The following PDE4D variants were observed in gnomAD, a reference collection of about 807,000 sequenced individuals.
PDE4D encodes phosphodiesterase 4D, also known as 3',5'-cyclic-AMP phosphodiesterase 4D.
In PDE4D, 24 loss-of-function variants were observed where a neutral mutation model predicts 87.4. The ratio of observed to expected loss-of-function variants is 0.27; its 90% CI spans 0.20 to 0.39. The LOEUF (loss-of-function observed/expected upper bound fraction) is 0.39. Among genes scored for constraint, PDE4D ranks in the 10% least tolerant of loss-of-function variants. The pLI is 1.00. For synonymous variants in PDE4D, 384 were observed against 383.2 expected (o/e 1.00, Z -0.02); for missense variants, 714 against 1,041.0 (o/e 0.69, Z 4.32).
chr5:59,495,529 G>A (rs1454679977), intron 1 of PDE4D, among the ~76,000 whole-genome samples: 1 of 152,166 alleles, frequency 6.6e-6, no homozygotes, highest in African/African-American at 2.4e-5. Context: ...CTCCCCAACA[G>A]AGAAACGCCA....
At chr5:60,363,555 T>C (rs1206164128) in intron 1 of PDE4D, among the ~76,000 whole-genome samples, 1 of 152,152 alleles carries the variant, frequency 6.6e-6, no homozygotes, top group African/African-American at 2.4e-5. Context: ...GAGAAGGTAC[T>C]GCTTTCACAA....
intron 2 of PDE4D, chr5:60,127,458 C>G: frequency 2.4e-6 from 1 of 413,862 alleles, no homozygotes. Flanking sequence ...GCAGCTATCA[C>G]TGTGGTTCAG....
At chr5:59,741,643 G>A (rs757988501) in intron 1 of PDE4D, among the ~76,000 whole-genome samples, 9 of 152,178 alleles carry the variant, frequency 5.9e-5, no homozygotes, top group East Asian at 1.9e-4. Flanking sequence ...CTTTTCATTA[G>A]TAACATGAAA....
intron 1 of PDE4D, among the ~76,000 whole-genome samples, chr5:59,635,675 G>A (rs193023415): frequency 1.4e-3 from 218 of 152,248 alleles, no homozygotes; most frequent in Admixed American, 2.7e-3. Context: ...AAAGGCCTTC[G>A]ATAAAATTCA....
At chr5:60,284,336 C>A (rs1752215334) in intron 1 of PDE4D, among the ~76,000 whole-genome samples, 1 of 152,080 alleles carries the variant, frequency 6.6e-6, no homozygotes, top group Admixed American at 6.5e-5. Context: ...ATAGAGTTAT[C>A]TTCTGGGTAA....
In PDE4D at chr5:58,973,438, A is replaced by AATGAGCATGAAATGTGTGGATTAT. The variant is rs780488224; in HGVS notation, c.*1202_*1225dup. 2,252 of 152,506 alleles carry AATGAGCATGAAATGTGTGGATTAT rather than the reference A, an allele frequency of 0.015. 37 individuals are homozygous for AATGAGCATGAAATGTGTGGATTAT. The highest frequency in any genetic ancestry group is 0.025 in the Non-Finnish European group (1,720 of 67,998). 9.4% of individuals were successfully genotyped at this position (152,506 alleles called of 1,614,324 possible). A position where few individuals can be genotyped will look rare whatever the true frequency, so the allele number is the denominator to read the frequency against. On this transcript the variant is annotated 3_prime_UTR_variant, in exon 15 of 15. Coordinates refer to ENST00000340635, the MANE Select transcript of PDE4D (RefSeq NM_001104631.2). ...TATAACTGGCTGTAAAAACAATAAA[A>AATGAGCATGAAATGTGTGGATTAT]ATGAGCATGAAATGTGTGGATTATT... is the stretch of plus-strand genomic sequence containing the variant.
At chr5:60,070,974 T>C (rs577588255) in intron 2 of PDE4D, among the ~76,000 whole-genome samples, 1 of 152,184 alleles carries the variant, frequency 6.6e-6, no homozygotes, top group East Asian at 1.9e-4. Flanking sequence ...CACATAATTG[T>C]TCATAGTTAT....
At chr5:59,007,872 A>G (rs1273565217) in intron 6 of PDE4D, among the ~76,000 whole-genome samples, 1 of 152,038 alleles carries the variant, frequency 6.6e-6, no homozygotes, top group Non-Finnish European at 1.5e-5. Context: ...AATAGTAAAC[A>G]CCTGCAACAT....
chr5:60,043,314 C>G (rs181180810), intron 2 of PDE4D, among the ~76,000 whole-genome samples: 1 of 151,984 alleles, frequency 6.6e-6, no homozygotes, highest in Non-Finnish European at 1.5e-5. Context: ...AACAAACTTA[C>G]GTTTGATTGG....
intron 1 of PDE4D, among the ~76,000 whole-genome samples, chr5:59,427,480 T>C (rs922755242): frequency 6.6e-6 from 1 of 152,088 alleles, no homozygotes; most frequent in Non-Finnish European, 1.5e-5. Flanking sequence ...ACTCAAAAAC[T>C]TTACAGTCCA....
Position 59,754,797 on chromosome 5 carries a change from A to ATTTTTTTTTTTTTTTTT in PDE4D, c.455+138354_455+138370dup, listed in dbSNP as rs754869518. On this transcript the variant is annotated intron_variant, in intron 1 of 14. Transcript: ENST00000340635. Reference sequence around the variant, plus strand: ...GCAGGTACAGAATTTTCCACAGAACATTTTTTTTTTTTTTTTTTTTTTTTT... The same window carrying ATTTTTTTTTTTTTTTTT: ...GCAGGTACAGAATTTTCCACAGAACATTTTTTTTTTTTTTTTTTTTTTTTTTTTTTTTTTTTTTTTTT... 1.5e-4 allele frequency among the ~76,000 whole-genome samples: 15 copies of ATTTTTTTTTTTTTTTTT among 96,870 alleles called. 7 individuals are homozygous for ATTTTTTTTTTTTTTTTT. Among genetic ancestry groups the ATTTTTTTTTTTTTTTTT allele is most frequent in the Non-Finnish European group, 1.8e-4 (9 of 49,874 alleles). The allele number at this position is 96,870 out of a possible 152,430, so 63.6% of individuals were successfully genotyped here. A position where few individuals can be genotyped will look rare whatever the true frequency, so the allele number is the denominator to read the frequency against.
chr5:60,069,071 C>T (rs1772432269), intron 2 of PDE4D, among the ~76,000 whole-genome samples: 1 of 152,060 alleles, frequency 6.6e-6, no homozygotes, highest in Admixed American at 6.6e-5. Context: ...TATGGATATC[C>T]AGTTTTCCAA....
intron 5 of PDE4D, among the ~76,000 whole-genome samples, chr5:59,093,562 G>T (rs566342948): frequency 6.6e-6 from 1 of 152,154 alleles, no homozygotes; most frequent in Non-Finnish European, 1.5e-5. Flanking sequence ...ATGACCTTGG[G>T]GAAACATTTC....
At chr5:59,890,919 C>G (rs892672442) in intron 1 of PDE4D, among the ~76,000 whole-genome samples, 2 of 152,184 alleles carry the variant, frequency 1.3e-5, no homozygotes, top group Non-Finnish European at 2.9e-5. Context: ...TTGCTGTTCT[C>G]TTTAAAGAAT....
intron 1 of PDE4D, among the ~76,000 whole-genome samples, chr5:59,815,151 C>T (rs1274031791): frequency 2.0e-5 from 3 of 152,210 alleles, no homozygotes; most frequent in East Asian, 1.9e-4. Flanking sequence ...AAATAATAGG[C>T]GCAAGTCCCT....
At chr5:59,675,207 T>G (rs1420472577) in intron 1 of PDE4D, among the ~76,000 whole-genome samples, 1 of 140,594 alleles carries the variant, frequency 7.1e-6, no homozygotes. Flanking sequence ...ACAGTAAACG[T>G]CTCAGAATAC....
chr5:59,734,228 A>G (rs1757772950), intron 1 of PDE4D, among the ~76,000 whole-genome samples: 1 of 152,118 alleles, frequency 6.6e-6, no homozygotes, highest in South Asian at 2.1e-4. Flanking sequence ...CTATGCTCAA[A>G]CCATGGTTGA....
intron 2 of PDE4D, among the ~76,000 whole-genome samples, chr5:60,183,007 A>C (rs1231028860): frequency 2.0e-5 from 3 of 152,050 alleles, no homozygotes; most frequent in Non-Finnish European, 4.4e-5. Flanking sequence ...TTGGGAGGTA[A>C]TTAGTGTTAG....
intron 1 of PDE4D, among the ~76,000 whole-genome samples, chr5:59,457,880 G>A (rs1800170265): frequency 1.3e-5 from 2 of 151,898 alleles, no homozygotes; most frequent in Non-Finnish European, 2.9e-5. Context: ...TGGGCAACAA[G>A]AGTGAAACTC....
Sources: gnomAD v4.1 joint callset for allele counts (sites outside exome capture counted in the v4.1 genomes callset) on GRCh38, gnomAD v4.1.1 for gene constraint, MANE v1.5 for transcripts, NCBI Gene and HGNC (gene_info 2026-07-23, HGNC 2026-07-21) for gene names.